AUH: variants seen among roughly 807,000 people sequenced by gnomAD.
AUH encodes the protein methylglutaconyl-CoA hydratase, mitochondrial.
A neutral mutation model predicts 42.3 loss-of-function variants in AUH; 29 were observed. The observed-to-expected ratio is 0.69, with a 90% CI of 0.51 to 0.93. The LOEUF is 0.93. Ranked by LOEUF, AUH falls within the 40% of genes least tolerant of loss-of-function variation. The pLI, the probability that AUH is intolerant of heterozygous loss-of-function variation, is 0.00. For synonymous variants in AUH, 174 were observed against 166.4 expected, an observed-to-expected ratio of 1.05 and a Z score of -0.35; for missense variants, 452 against 438.1, an observed-to-expected ratio of 1.03 and a Z score of -0.28.
intron 6 of AUH, among the ~76,000 whole-genome samples, chr9:91,266,012 T>G (rs954242357): frequency 9.2e-5 from 14 of 152,306 alleles, no homozygotes; most frequent in Middle Eastern, 3.4e-3. Context: ...CAGATGACAA[T>G]GCTCAGTAAC....
At chr9:91,337,827 T>G (rs1830803827) in intron 3 of AUH, among the ~76,000 whole-genome samples, 2 of 152,168 alleles carry the variant, frequency 1.3e-5, no homozygotes, top group African/African-American at 4.8e-5. Flanking sequence ...GGGAAGGAAT[T>G]GATTGGTGGA....
intron 6 of AUH, among the ~76,000 whole-genome samples, chr9:91,223,837 C>G (rs59049485): frequency 0.016 from 2,468 of 152,242 alleles, 30 homozygotes; most frequent in East Asian, 0.058. Flanking sequence ...GAAATTGACC[C>G]TTCTGCTGTT....
At chr9:91,302,704 G>A (rs1249080939) in intron 4 of AUH, among the ~76,000 whole-genome samples, 1 of 151,676 alleles carries the variant, frequency 6.6e-6, no homozygotes, top group Non-Finnish European at 1.5e-5. Context: ...TGGAGGCAGA[G>A]GTTGCAGTGA....
chr9:91,311,339 T>A (rs1828686741), intron 4 of AUH, among the ~76,000 whole-genome samples: 1 of 152,210 alleles, frequency 6.6e-6, no homozygotes, highest in African/African-American at 2.4e-5. Context: ...AGCTTTGCAT[T>A]TACACTGCTA....
intron 6 of AUH, among the ~76,000 whole-genome samples, chr9:91,288,382 C>T (rs1022983154): frequency 1.3e-5 from 2 of 152,076 alleles, no homozygotes; most frequent in African/African-American, 4.8e-5. Flanking sequence ...ATAATATTTG[C>T]ATATTCTCCC....
In AUH at chr9:91,217,187, T is replaced by A. The variant is rs532853132; in HGVS notation, c.894+90A>T. On this transcript the variant is annotated intron_variant, in intron 8 of 9. Coordinates refer to ENST00000375731, the MANE Select transcript of AUH (RefSeq NM_001698.3). Reference sequence around the variant, plus strand: ...TTTAAACAACCATATTTTAGAACTTTAAAAAAAATGTAGAAGTCTAAACAT... The same window carrying A: ...TTTAAACAACCATATTTTAGAACTTAAAAAAAAATGTAGAAGTCTAAACAT... The A allele has an allele frequency of 3.3e-5, 46 of 1,374,822 alleles. No individual in the cohort carries two copies. The East Asian group carries it at 8.3e-4, about 25-fold the overall frequency. The allele number at this position is 1,374,822 out of a possible 1,614,324, so 85.2% of individuals were successfully genotyped here.
chr9:91,267,013 A>G (rs772843214), intron 6 of AUH, among the ~76,000 whole-genome samples: 1 of 152,206 alleles, frequency 6.6e-6, no homozygotes, highest in Non-Finnish European at 1.5e-5. Flanking sequence ...GAGCAAAACC[A>G]GATCTCCAGT....
chr9:91,296,648 T>TA (rs1827356630), intron 5 of AUH, among the ~76,000 whole-genome samples: 1 of 151,890 alleles, frequency 6.6e-6, no homozygotes, highest in Non-Finnish European at 1.5e-5. Context: ...CAAATATACT[T>TA]AGACTACTTC....
chr9:91,239,845 A>G (rs1828405684), intron 6 of AUH, among the ~76,000 whole-genome samples: 1 of 152,142 alleles, frequency 6.6e-6, no homozygotes, highest in Non-Finnish European at 1.5e-5. Context: ...GAAGCATATT[A>G]GTTTGAGCTC....
intron 3 of AUH, among the ~76,000 whole-genome samples, chr9:91,348,048 A>T (rs1831664705): frequency 2.0e-5 from 3 of 151,826 alleles, no homozygotes; most frequent in Non-Finnish European, 2.9e-5. Flanking sequence ...AGTATAACAG[A>T]TAAAAGTCTT....
intron 3 of AUH, among the ~76,000 whole-genome samples, chr9:91,339,487 C>G (rs956917781): frequency 2.0e-5 from 3 of 152,048 alleles, no homozygotes; most frequent in Admixed American, 2.0e-4. Flanking sequence ...AACAATGAAC[C>G]CTGTGGTGAT....
chr9:91,279,250 T>C (rs1312719102), intron 6 of AUH, among the ~76,000 whole-genome samples: 2 of 152,334 alleles, frequency 1.3e-5, no homozygotes, highest in Non-Finnish European at 2.9e-5. Flanking sequence ...TGTATTATCC[T>C]AGTCAATTCT....
At chr9:91,325,288 A>C (rs1829889458) in intron 4 of AUH, 30 bp downstream of exon 4, 1 of 1,576,646 alleles carries the variant, frequency 6.3e-7, no homozygotes, top group Admixed American at 1.7e-5. Flanking sequence ...CCCCTTCGGC[A>C]TGCTGAAAGA....
chr9:91,343,542 G>A (rs1039351553), intron 3 of AUH, among the ~76,000 whole-genome samples: 2 of 152,132 alleles, frequency 1.3e-5, no homozygotes, highest in African/African-American at 2.4e-5. Context: ...TGAGGCAGGC[G>A]GCCTTGAGGC....
chr9:91,220,955 G>A lies in AUH; in HGVS notation c.693C>T (p.Ser231=), dbSNP rs761519675. The stretch of plus-strand genomic sequence containing the variant: ...CAGAGAATATGAGCTCCTTGGCCAG[G>A]GACATTCCAATGGCGCGTGGCAATC... ...TQRLPRAIGM[S]LAKELIFSAR... The change falls in exon 7 of 10, where the codon TCC becomes TCT. Residue 231 remains serine, a synonymous_variant. Transcript: ENST00000375731. 1.7e-5 allele frequency: 27 copies of A among 1,614,164 alleles called. 1 individual carries two copies. The South Asian group carries it at 3.0e-4, about 18-fold the overall frequency.
At chr9:91,264,510 C>A (rs1489114868) in intron 6 of AUH, among the ~76,000 whole-genome samples, 1 of 152,194 alleles carries the variant, frequency 6.6e-6, no homozygotes, top group African/African-American at 2.4e-5. Context: ...ACCTCAAAGA[C>A]CTGCTTTGAC....
chr9:91,274,665 A>G (rs1379540800), intron 6 of AUH, among the ~76,000 whole-genome samples: 2 of 152,238 alleles, frequency 1.3e-5, no homozygotes, highest in East Asian at 3.8e-4. Flanking sequence ...AGAGGACTTA[A>G]TCCACATTAA....
intron 6 of AUH, among the ~76,000 whole-genome samples, chr9:91,258,810 G>A (rs756510008): frequency 2.0e-5 from 3 of 152,188 alleles, no homozygotes; most frequent in Non-Finnish European, 4.4e-5. Flanking sequence ...TGAACATTGA[G>A]ATGACCACAC....
intron 9 of AUH, among the ~76,000 whole-genome samples, chr9:91,215,844 T>C (rs1243774294): frequency 2.0e-5 from 3 of 151,654 alleles, no homozygotes; most frequent in Admixed American, 2.0e-4. Flanking sequence ...ACTCTAAGAG[T>C]TTTCTAGATT....
Sources: gnomAD v4.1 joint callset for allele counts (sites outside exome capture counted in the v4.1 genomes callset) on GRCh38, gnomAD v4.1.1 for gene constraint, MANE v1.5 for transcripts, NCBI Gene and HGNC (gene_info 2026-07-23, HGNC 2026-07-21) for gene names.